Variants in KCNQ3 observed in about 807,000 individuals in gnomAD.
The protein encoded by KCNQ3 is potassium voltage-gated channel subfamily KQT member 3.
KCNQ3 carries 30 observed loss-of-function variants against 92.5 expected under a neutral mutation model. The observed-to-expected ratio is 0.32, with a 90% CI of 0.24 to 0.44. The LOEUF is 0.44. KCNQ3 is among the 20% of genes least tolerant of loss of function. The pLI is 1.00. For synonymous variants in KCNQ3, 450 were observed against 468.8 expected, an observed-to-expected ratio of 0.96 and a Z score of 0.52; for missense variants, 913 against 1,140.3, an observed-to-expected ratio of 0.80 and a Z score of 2.87.
intron 1 of KCNQ3, among the ~76,000 whole-genome samples, chr8:132,287,746 T>C (rs1358990558): frequency 6.6e-6 from 1 of 152,200 alleles, no homozygotes; most frequent in East Asian, 1.9e-4. Flanking sequence ...GAAAAATTCA[T>C]AGAGACAGAA....
chr8:132,335,873 CATTT>C (rs1818356612), intron 1 of KCNQ3, among the ~76,000 whole-genome samples: 2 of 152,062 alleles, frequency 1.3e-5, no homozygotes, highest in South Asian at 4.1e-4. Flanking sequence ...CTAGTGGTTC[CATTT>C]ATTTACCTGA....
chr8:132,276,810 T>C (rs1037947156), intron 1 of KCNQ3, among the ~76,000 whole-genome samples: 5 of 152,102 alleles, frequency 3.3e-5, no homozygotes, highest in African/African-American at 1.2e-4. Flanking sequence ...CTATGGAAAA[T>C]CATTCGACCC....
chr8:132,217,429 G>A (rs542089705), intron 1 of KCNQ3, among the ~76,000 whole-genome samples: 23 of 152,164 alleles, frequency 1.5e-4, no homozygotes, highest in African/African-American at 4.6e-4. Flanking sequence ...ACTGAGAGTC[G>A]GCCGGACACG....
intron 1 of KCNQ3, among the ~76,000 whole-genome samples, chr8:132,398,260 A>G (rs1043875672): frequency 7.9e-5 from 12 of 152,184 alleles, no homozygotes; most frequent in African/African-American, 2.9e-4. Flanking sequence ...CCCCTCTTCA[A>G]CTAGTTGGTT....
At chr8:132,426,459 T>C (rs1484852382) in intron 1 of KCNQ3, among the ~76,000 whole-genome samples, 1 of 152,184 alleles carries the variant, frequency 6.6e-6, no homozygotes, top group African/African-American at 2.4e-5. Context: ...CCTGGTTTGC[T>C]CTCTGTGATC....
At chr8:132,423,714 C>T (rs1821031796) in intron 1 of KCNQ3, among the ~76,000 whole-genome samples, 1 of 152,150 alleles carries the variant, frequency 6.6e-6, no homozygotes. Flanking sequence ...GGTCACACAG[C>T]TGTAAGTGGC....
intron 4 of KCNQ3, 88 bp downstream of exon 4, chr8:132,180,069 T>TCCC: frequency 7.1e-7 from 1 of 1,416,142 alleles, no homozygotes; most frequent in Non-Finnish European, 9.9e-7. Flanking sequence ...GACTGCCTTC[T>TCCC]GGGGACACTG....
intron 1 of KCNQ3, among the ~76,000 whole-genome samples, chr8:132,436,271 A>C (rs1821392793): frequency 6.6e-6 from 1 of 152,266 alleles, no homozygotes; most frequent in Non-Finnish European, 1.5e-5. Flanking sequence ...ACATTGAAAC[A>C]CTATAAGAGA....
In KCNQ3 at chr8:132,480,790, G is replaced by C. The variant is rs1259989720; in HGVS notation, c.-258C>G. 1 of 183,924 alleles carries C rather than the reference G, an allele frequency of 5.4e-6. No homozygotes were observed. The highest frequency in any genetic ancestry group is 1.0e-5 in the Non-Finnish European group (1 of 96,460). 11.4% of individuals were successfully genotyped at this position (183,924 alleles called of 1,614,324 possible). A position where few individuals can be genotyped will look rare whatever the true frequency, so the allele number is the denominator to read the frequency against. On this transcript the variant is annotated 5_prime_UTR_variant, in exon 1 of 15. Transcript: ENST00000388996. ...GGACCCCGAGGGTCGCGGGCCGGGGGCTGCGGAGAAGCTGGGAGGGCGCGC... is the reference window on the plus strand; with the variant it reads ...GGACCCCGAGGGTCGCGGGCCGGGGCCTGCGGAGAAGCTGGGAGGGCGCGC...
chr8:132,379,229 C>T lies in KCNQ3; in HGVS notation c.386+100918G>A, dbSNP rs145176706. 1.4e-4 allele frequency among the ~76,000 whole-genome samples: 21 copies of T among 152,250 alleles called. No homozygotes were observed. The East Asian group carries it at 3.3e-3, about 24-fold the overall frequency. On this transcript the variant is annotated intron_variant, in intron 1 of 14. Transcript: ENST00000388996. ...ATGAAAGACTTCCTATTTGCAAGTA[C>T]TTTATCAGGCACATTACATGGATTG...
At chr8:132,144,081 G>A (rs1825380543) in intron 9 of KCNQ3, among the ~76,000 whole-genome samples, 1 of 152,174 alleles carries the variant, frequency 6.6e-6, no homozygotes, top group African/African-American at 2.4e-5. Context: ...TTCTATCTGT[G>A]CTGGGATTTA....
Position 132,279,870 on chromosome 8 carries a change from G to A in KCNQ3, c.387-93689C>T, listed in dbSNP as rs148630733. ...TATATATGCGTGTGTGTGTGTGTGT[G>A]TATATATATATTTGAGATAGTTCTG... On this transcript the variant is annotated intron_variant, in intron 1 of 14. Coordinates refer to ENST00000388996, the MANE Select transcript of KCNQ3 (RefSeq NM_004519.4). 5.1e-3 allele frequency among the ~76,000 whole-genome samples: 776 copies of A among 152,012 alleles called. 3 individuals carry two copies. Among genetic ancestry groups the A allele is most frequent in the African/African-American group, 0.018 (734 of 41,454 alleles).
At chr8:132,458,414 G>A (rs1028350186) in intron 1 of KCNQ3, among the ~76,000 whole-genome samples, 4 of 152,112 alleles carry the variant, frequency 2.6e-5, no homozygotes, top group Non-Finnish European at 2.9e-5. Context: ...CACAAAACCC[G>A]CCAATCAACT....
chr8:132,479,031 A>G (rs867351546), intron 1 of KCNQ3, among the ~76,000 whole-genome samples: 30 of 152,152 alleles, frequency 2.0e-4, no homozygotes, highest in African/African-American at 5.6e-4. Context: ...ACCCTGGTAC[A>G]GTACAGCTTC....
intron 1 of KCNQ3, among the ~76,000 whole-genome samples, chr8:132,398,379 T>C (rs1364764201): frequency 2.0e-5 from 3 of 152,206 alleles, no homozygotes; most frequent in African/African-American, 7.2e-5. Flanking sequence ...AAATGCTTTA[T>C]AGAATCAGAT....
intron 10 of KCNQ3, chr8:132,140,784 C>CT: frequency 3.0e-6 from 1 of 331,216 alleles, no homozygotes; most frequent in Non-Finnish European, 5.7e-6. Context: ...GCCCTGGTCT[C>CT]TAAATTGCTT....
intron 1 of KCNQ3, among the ~76,000 whole-genome samples, chr8:132,230,437 GAGAGAGAGAGAC>G (rs1346781094): frequency 1.7e-4 from 22 of 127,134 alleles, no homozygotes; most frequent in Admixed American, 3.2e-4. Context: ...CACAGGCAGA[GAGAGAGAGAGAC>G]AGAGAGAGAG....
chr8:132,268,396 C>G (rs1400171898), intron 1 of KCNQ3, among the ~76,000 whole-genome samples: 2 of 152,064 alleles, frequency 1.3e-5, no homozygotes, highest in African/African-American at 4.8e-5. Flanking sequence ...TCCCGAGTAA[C>G]TGGGAGCATG....
At chr8:132,388,280 G>T (rs570335680) in intron 1 of KCNQ3, among the ~76,000 whole-genome samples, 1 of 152,046 alleles carries the variant, frequency 6.6e-6, no homozygotes, top group South Asian at 2.1e-4. Context: ...AAGCAATTTG[G>T]TAATAAGTTT....
Sources: allele counts gnomAD v4.1 joint callset (sites outside exome capture counted in the v4.1 genomes callset), GRCh38; gene constraint gnomAD v4.1.1; transcripts MANE v1.5; gene names NCBI Gene and HGNC (gene_info 2026-07-23, HGNC 2026-07-21).